The following TMEM200C variants were observed in gnomAD, a reference collection of about 807,000 sequenced individuals.
TMEM200C encodes the protein transmembrane protein TTMA.
For missense variants in TMEM200C, 966 were observed against 699.9 expected, an observed-to-expected ratio of 1.38 and a Z score of -4.29; for synonymous variants, 462 against 324.7, an observed-to-expected ratio of 1.42 and a Z score of -4.55.
chr18:5,889,719 C>G (rs2095168099), exon 3 of TMEM200C: 1 of 152,020 alleles, frequency 6.6e-6, no homozygotes, highest in Admixed American at 6.6e-5. Flanking sequence ...AACATCAATT[C>G]TAAGAGAACT....
chr18:5,893,661 G>C (rs1259618466), intron 2 of TMEM200C, among the ~76,000 whole-genome samples: 2 of 152,194 alleles, frequency 1.3e-5, no homozygotes, highest in Admixed American at 6.5e-5. Context: ...GTAGAATTTT[G>C]CTTTTAATTG....
chr18:5,891,584 C>T lies in TMEM200C; in HGVS notation c.480G>A (p.Leu160=). 1 of 1,613,764 alleles carries T rather than the reference C, an allele frequency of 6.2e-7. No homozygotes were observed. ...CGAAGACCTTGAGCTTGTCAGAGTG[C>T]AGGTAGCCAGAGAAGATGCGGAAGA... The change falls in exon 3 of 3, where the codon CTG becomes CTA. Residue 160 remains leucine, a synonymous_variant. Coordinates refer to ENST00000581347, the Ensembl canonical transcript of TMEM200C. This position sits in a 1 kb window ranked among gnomAD's most constrained non-coding sequence, Gnocchi z 4.7.
Position 5,891,790 on chromosome 18 carries a change from C to T in TMEM200C, c.274G>A (p.Ala92Thr), listed in dbSNP as rs769172603. 77 of 1,606,676 alleles carry T rather than the reference C, an allele frequency of 4.8e-5. No homozygotes were observed. Among genetic ancestry groups the T allele is most frequent in the South Asian group, 3.0e-4 (27 of 91,048 alleles). ...GTTGGGACCCGGTGGCTGCTGCCCG[C>T]AGGCGGCAGCTGCTTACCCCCCTCC... The change falls in exon 3 of 3, where the codon GCG becomes ACG. Residue 92 changes from alanine (A) to threonine (T), a missense_variant. Physicochemically the swap from Ala to Thr is moderately conservative, Grantham distance 58 (BLOSUM62 0). Coordinates refer to ENST00000581347, the Ensembl canonical transcript of TMEM200C. The surrounding 1 kb of genome is among the most constrained non-coding windows in gnomAD (Gnocchi z 4.7).
At chr18:5,890,689 G>A in exon 3 of TMEM200C, 1 of 526,138 alleles carries the variant, frequency 1.9e-6, no homozygotes, top group South Asian at 5.3e-5. Flanking sequence ...CCGGTCCTGG[G>A]CAGGCGGCCG....
chr18:5,891,096 T>C lies in TMEM200C; in HGVS notation c.968A>G (p.Tyr323Cys). The C allele has an allele frequency of 1.9e-6, 1 of 521,098 alleles. No individual in the cohort carries two copies. The allele number at this position is 521,098 out of a possible 1,614,324, so 32.3% of individuals were successfully genotyped here. Residue 323 changes from tyrosine (Y) to cysteine (C), a missense_variant, in exon 3 of 3, where the codon TAC becomes TGC. Physicochemically the swap from Tyr to Cys is radical, Grantham distance 194. Transcript: ENST00000581347. The surrounding 1 kb of genome is among the most constrained non-coding windows in gnomAD (Gnocchi z 4.7). Reference sequence around the variant, plus strand: ...GCCCGAGCGCTCGCGGTAGACGCTGTACACGGCCTCGGCCAGGCTCGGGGG... The same window carrying C: ...GCCCGAGCGCTCGCGGTAGACGCTGCACACGGCCTCGGCCAGGCTCGGGGG...
intron 2 of TMEM200C, among the ~76,000 whole-genome samples, chr18:5,892,734 G>A (rs552729439): frequency 3.9e-5 from 6 of 152,306 alleles, no homozygotes; most frequent in African/African-American, 1.4e-4. Context: ...AAAATCAAAG[G>A]TCATATAATG....
chr18:5,891,391 C>G lies in TMEM200C; in HGVS notation c.673G>C (p.Ala225Pro), dbSNP rs1047939764. The G allele has an allele frequency of 1.5e-6, 2 of 1,343,914 alleles. No individual in the cohort carries two copies. The highest frequency in any genetic ancestry group is 1.9e-6 in the Non-Finnish European group (2 of 1,052,224). The allele number at this position is 1,343,914 out of a possible 1,614,324, so 83.2% of individuals were successfully genotyped here. The stretch of plus-strand genomic sequence containing the variant: ...GACGAAGAGGCGGCGGCGGCCGCGG[C>G]GGCGGCCGCGGCGGCCGCCAGGTCT... The change falls in exon 3 of 3, where the codon GCC becomes CCC. Residue 225 changes from alanine to proline, a missense_variant. By Grantham distance (27) the Ala-to-Pro change is conservative (BLOSUM62 -1). Transcript: ENST00000581347. The surrounding 1 kb of genome is among the most constrained non-coding windows in gnomAD (Gnocchi z 4.7).
At chr18:5,884,203 A>C (rs1213109680) in exon 3 of TMEM200C, 4 of 152,052 alleles carry the variant, frequency 2.6e-5, no homozygotes, top group Admixed American at 2.0e-4. Context: ...TTTTTTTCCA[A>C]AATAAACACC....
In TMEM200C at chr18:5,891,412, G is replaced by C; in HGVS notation, c.652C>G (p.Leu218Val). 1 of 1,463,946 alleles carries C rather than the reference G, an allele frequency of 6.8e-7. No homozygotes were observed. Among genetic ancestry groups the C allele is most frequent in the Non-Finnish European group, 9.1e-7 (1 of 1,103,294 alleles). 90.7% of individuals were successfully genotyped at this position (1,463,946 alleles called of 1,614,324 possible). A position where few individuals can be genotyped will look rare whatever the true frequency, so the allele number is the denominator to read the frequency against. ...GCGGCGGCGGCCGCGGCGGCCGCCA[G>C]GTCTTTGGCGCGGAGGCTGTGCACG... Residue 218 changes from leucine (L) to valine (V), a missense_variant, in exon 3 of 3, where the codon CTG becomes GTG. Physicochemically the swap from Leu to Val is conservative, Grantham distance 32 (BLOSUM62 1). Transcript: ENST00000581347. The surrounding 1 kb of genome is among the most constrained non-coding windows in gnomAD (Gnocchi z 4.7).
chr18:5,890,672 G>C lies in TMEM200C; in HGVS notation c.1392C>G (p.Tyr464Ter). 1.7e-6 allele frequency: 1 copy of C among 576,328 alleles called. No individual in the cohort carries two copies. The highest frequency in any genetic ancestry group is 2.6e-6 in the Non-Finnish European group (1 of 382,336). 35.7% of individuals were successfully genotyped at this position (576,328 alleles called of 1,614,324 possible). Residue 464 changes from tyrosine to a stop codon, truncating the protein, a stop_gained, in exon 3 of 3, where the codon TAC (tyrosine) becomes TAG (stop). Coordinates refer to ENST00000581347, the Ensembl canonical transcript of TMEM200C. LOFTEE classifies it low-confidence loss of function (END_TRUNC). ...TGGTGCTGCGGCGCCGCAAGGCCGC[G>C]TACCTGCCGGTCCTGGGCAGGCGGC...
At chr18:5,895,477 G>A (rs1444419644) in exon 2 of TMEM200C, 3 of 149,736 alleles carry the variant, frequency 2.0e-5, no homozygotes, top group African/African-American at 7.3e-5. Flanking sequence ...ACTGGCGGCT[G>A]TTGCTAAGAG....
chr18:5,893,965 T>C (rs1398555025), intron 2 of TMEM200C, among the ~76,000 whole-genome samples: 1 of 152,224 alleles, frequency 6.6e-6, no homozygotes, highest in African/African-American at 2.4e-5. Flanking sequence ...TAAGCACATT[T>C]ATTATGTGGT....
chr18:5,890,451 G>A (rs1171089738), exon 3 of TMEM200C: 1 of 1,579,552 alleles, frequency 6.3e-7, no homozygotes, highest in African/African-American at 1.3e-5. Context: ...CCGCAGGGGT[G>A]TGTAGCCCTT....
chr18:5,894,710 C>T (rs2144462814), intron 2 of TMEM200C, among the ~76,000 whole-genome samples: 1 of 152,302 alleles, frequency 6.6e-6, no homozygotes, highest in South Asian at 2.1e-4. Flanking sequence ...CGACCCCGGC[C>T]CCTCACTGGC....
chr18:5,895,433 A>C (rs1448387685), exon 2 of TMEM200C: 1 of 149,912 alleles, frequency 6.7e-6, no homozygotes, highest in Non-Finnish European at 1.5e-5. Context: ...CGCCGGGTGG[A>C]GTTGAGCCCG....
exon 3 of TMEM200C, chr18:5,885,127 C>A (rs997910777): frequency 1.3e-5 from 2 of 152,192 alleles, no homozygotes; most frequent in East Asian, 3.9e-4. Flanking sequence ...CAAGAGTAAC[C>A]AAATGCTCCT....
Position 5,891,139 on chromosome 18 carries a change from G to A in TMEM200C, c.925C>T (p.Pro309Ser). The A allele has an allele frequency of 4.0e-6, 2 of 503,870 alleles. No individual in the cohort carries two copies. The highest frequency in any genetic ancestry group is 6.5e-6 in the Non-Finnish European group (2 of 309,530). 31.2% of individuals were successfully genotyped at this position (503,870 alleles called of 1,614,324 possible). Residue 309 changes from proline to serine, a missense_variant, in exon 3 of 3, where the codon CCG becomes TCG. Pro to Ser is a moderately conservative substitution (Grantham distance 74). Transcript: ENST00000581347. This position sits in a 1 kb window ranked among gnomAD's most constrained non-coding sequence, Gnocchi z 4.7. Reference sequence around the variant, plus strand: ...CTCGGGGGCTCCCGCGGACAGCGCGGGGAAGAGGCCAGGTCCGGCGGGGAC... The same window carrying A: ...CTCGGGGGCTCCCGCGGACAGCGCGAGGAAGAGGCCAGGTCCGGCGGGGAC...
exon 3 of TMEM200C, chr18:5,889,306 T>C (rs1007781759): frequency 1.1e-4 from 16 of 152,238 alleles, no homozygotes; most frequent in African/African-American, 3.9e-4. Context: ...ACAATGGTGC[T>C]GAGTACTTTG....
At chr18:5,893,405 G>A (rs1236715983) in intron 2 of TMEM200C, among the ~76,000 whole-genome samples, 15 of 152,110 alleles carry the variant, frequency 9.9e-5, no homozygotes, top group Admixed American at 3.3e-4. Flanking sequence ...GTAAAAGCCT[G>A]GGTAGGAAAA....
Sources: gnomAD v4.1 joint callset for allele counts (sites outside exome capture counted in the v4.1 genomes callset) on GRCh38, gnomAD v4.1.1 for gene constraint, Gnocchi (gnomAD v3.1) non-coding constraint, MANE v1.5 for transcripts, NCBI Gene and HGNC (gene_info 2026-07-23, HGNC 2026-07-21) for gene names.